The following VEGFD variants were observed in gnomAD, a reference collection of about 807,000 sequenced individuals.
The protein encoded by VEGFD is vascular endothelial growth factor D, also known as c-fos induced growth factor (vascular endothelial growth factor D).
VEGFD carries 26 observed loss-of-function variants against 28.0 expected under a neutral mutation model. That is an observed-to-expected ratio of 0.93 (90% CI 0.68 to 1.29). The LOEUF (loss-of-function observed/expected upper bound fraction) is 1.29, where lower values mean the gene tolerates loss of function less well. VEGFD is among the 50% of genes most tolerant of loss of function. The probability of loss-of-function intolerance (pLI) is 0.00; values close to 1 mark genes in which losing one functional copy is unlikely to be tolerated. For missense variants in VEGFD, 294 were observed against 273.4 expected (o/e 1.08, Z -0.53); for synonymous variants, 93 against 95.5 (o/e 0.97, Z 0.15).
Position 15,368,829 on chromosome X carries a change from G to C in VEGFD, c.91-5510C>G, listed in dbSNP as rs779745093. The stretch of plus-strand genomic sequence containing the variant: ...AATGAAGCAGGGTTACCAGATCTCT[G>C]CTTTTTATTACAGCGGCAGCTTTTT... On this transcript the variant is annotated intron_variant, in intron 1 of 6. Transcript: ENST00000297904. 1.3e-4 allele frequency among the ~76,000 whole-genome samples: 15 copies of C among 112,183 alleles called. No individual in the cohort carries two copies. In the East Asian group the frequency reaches 3.9e-3, roughly 29 times the overall value.
intron 6 of VEGFD, 72 bp from the exon 7 acceptor site, chrX:15,346,331 T>C: frequency 1.9e-6 from 2 of 1,068,802 alleles, no homozygotes; most frequent in Non-Finnish European, 2.5e-6. Context: ...TCTGCTCTGA[T>C]TTGATTAAGT....
At chrX:15,348,224 T>G (rs1167699039) in intron 5 of VEGFD, among the ~76,000 whole-genome samples, 3 of 111,888 alleles carry the variant, frequency 2.7e-5, no homozygotes, top group African/African-American at 9.8e-5. Flanking sequence ...CTGAGCATCA[T>G]GTCCACTCAG....
intron 1 of VEGFD, among the ~76,000 whole-genome samples, chrX:15,371,832 A>C (rs991672636): frequency 8.9e-6 from 1 of 112,465 alleles, no homozygotes; most frequent in African/African-American, 3.2e-5. Context: ...TTCAACGTTA[A>C]AAAGAAACAT....
At chrX:15,349,221 AGGTG>A (rs1922626633) in intron 5 of VEGFD, among the ~76,000 whole-genome samples, 1 of 112,437 alleles carries the variant, frequency 8.9e-6, no homozygotes. Flanking sequence ...AATGATCACT[AGGTG>A]GCAGCAGAAG....
Position 15,355,210 on chromosome X carries a change from G to A in VEGFD, c.581C>T (p.Thr194Ile), listed in dbSNP as rs771466661. The A allele has an allele frequency of 2.5e-6, 3 of 1,206,360 alleles. No homozygotes were observed. The highest frequency in any genetic ancestry group is 1.7e-5 in the African/African-American group (1 of 57,433). Reference protein sequence around the residue: ...ANHTGCKCLPTAPRHPYSIIR... With the variant: ...ANHTGCKCLPIAPRHPYSIIR... ...AATTGAGTATGGATGGCGGGGGGCT[G>A]TTGGCAAGCACTTACAACCTGTATG... Residue 194 changes from threonine (T) to isoleucine (I), a missense_variant, in exon 4 of 7, where the codon ACA becomes ATA. Physicochemically the swap from Thr to Ile is moderately conservative, Grantham distance 89. Transcript: ENST00000297904.
intron 5 of VEGFD, among the ~76,000 whole-genome samples, chrX:15,349,066 G>A (rs1922622297): frequency 8.9e-6 from 1 of 112,755 alleles, no homozygotes; most frequent in African/African-American, 3.2e-5. Flanking sequence ...GGTGCTGGAA[G>A]GCTAAATCTG....
At position 15,363,267 on chromosome X, in the gene VEGFD, G is replaced by C. The variant is rs1338904652; in HGVS notation, c.143C>G (p.Ser48Cys). 8.3e-7 allele frequency: 1 copy of C among 1,211,630 alleles called. No homozygotes were observed. The change falls in exon 2 of 7, where the codon TCT becomes TGT. Residue 48 changes from serine (S) to cysteine (C), a missense_variant. Transcript: ENST00000297904. ...AATTCGAAGTAGTTCCTCCAAACTA[G>C]AAGCAGCCCTGATCTGCTGTTCAGA... The part of the protein sequence containing the change: ...ERSEQQIRAA[S>C]SLEELLRITH...
chrX:15,355,245 T>G lies in VEGFD; in HGVS notation c.546A>C (p.Lys182Asn). The change falls in exon 4 of 7, where the codon AAA (lysine) becomes AAC (asparagine). Residue 182 changes from lysine (K) to asparagine (N), a missense_variant. Lys to Asn is a moderately conservative substitution (Grantham distance 94). Transcript: ENST00000297904. ...ACTTACAACCTGTATGATTGGCAAC[T>G]TTAACAGGCACTAATTCAGGTACTG... ...LTSVPELVPV[K>N]VANHTGCKCL... 8.3e-7 allele frequency: 1 copy of G among 1,205,328 alleles called. No individual in the cohort carries two copies. The highest frequency in any genetic ancestry group is 3.0e-5 in the East Asian group (1 of 33,519).
intron 1 of VEGFD, among the ~76,000 whole-genome samples, chrX:15,382,315 G>A (rs896322277): frequency 3.8e-5 from 1 of 26,596 alleles, no homozygotes; most frequent in African/African-American, 3.6e-4. Flanking sequence ...GTGAGACTCC[G>A]TCTCAAATAA....
intron 2 of VEGFD, 39 bp from the exon 3 acceptor site, chrX:15,358,232 GA>G (rs1922917229): frequency 1.8e-6 from 2 of 1,127,026 alleles, no homozygotes; most frequent in Non-Finnish European, 2.4e-6. Context: ...CTAGCAGGTG[GA>G]ATGGTCCTGG....
chrX:15,368,257 T>C (rs966739131), intron 1 of VEGFD, among the ~76,000 whole-genome samples: 9 of 111,960 alleles, frequency 8.0e-5, no homozygotes, highest in African/African-American at 2.6e-4. Flanking sequence ...CTTAGAAATA[T>C]TTTTAAACTA....
chrX:15,353,138 A>T lies in VEGFD; in HGVS notation c.672T>A (p.Ile224=). 8.5e-7 allele frequency: 1 copy of T among 1,173,672 alleles called. No homozygotes were observed. The highest frequency in any genetic ancestry group is 1.1e-6 in the Non-Finnish European group (1 of 870,962). ...ATTTGTTGCTATCCCATAGCATGTC[A>T]ATAGGACAGAGTTTCTTGGAATGGG... ...RCSHSKKLCP[I]DMLWDSNKCK... is the part of the protein sequence containing the mutation. The change falls in exon 5 of 7, where the codon ATT becomes ATA. Residue 224 remains isoleucine (I), a synonymous_variant. Coordinates refer to ENST00000297904, the MANE Select transcript of VEGFD (RefSeq NM_004469.5).
chrX:15,354,549 C>A (rs746377290), intron 4 of VEGFD, among the ~76,000 whole-genome samples: 1 of 110,612 alleles, frequency 9.0e-6, no homozygotes, highest in African/African-American at 3.3e-5. Flanking sequence ...CCTTTTTTTT[C>A]TTCAAATAAG....
intron 2 of VEGFD, among the ~76,000 whole-genome samples, chrX:15,360,999 T>C (rs1347171852): frequency 8.9e-6 from 1 of 112,541 alleles, no homozygotes; most frequent in African/African-American, 3.2e-5. Flanking sequence ...CCTCAGGAAA[T>C]TACCTTGAAA....
At position 15,353,134 on chromosome X, in the gene VEGFD, T is replaced by A. The variant is rs752539878; in HGVS notation, c.676A>T (p.Met226Leu). 1 of 1,179,320 alleles carries A rather than the reference T, an allele frequency of 8.5e-7. No homozygotes were observed. Among genetic ancestry groups the A allele is most frequent in the Non-Finnish European group, 1.1e-6 (1 of 873,478 alleles). ...SHSKKLCPID[M>L]LWDSNKCKCV... ...TTACATTTGTTGCTATCCCATAGCA[T>A]GTCAATAGGACAGAGTTTCTTGGAA... The change falls in exon 5 of 7, where the codon ATG (methionine) becomes TTG (leucine). Residue 226 changes from methionine (M) to leucine (L), a missense_variant. Coordinates refer to ENST00000297904, the MANE Select transcript of VEGFD (RefSeq NM_004469.5).
chrX:15,361,121 T>C (rs776962601), intron 2 of VEGFD, among the ~76,000 whole-genome samples: 7 of 112,553 alleles, frequency 6.2e-5, no homozygotes, highest in African/African-American at 2.3e-4. Flanking sequence ...AATTACGAGA[T>C]AAATTCATAG....
At chrX:15,365,236 G>A (rs1022816641) in intron 1 of VEGFD, among the ~76,000 whole-genome samples, 1 of 111,461 alleles carries the variant, frequency 9.0e-6, no homozygotes, top group Non-Finnish European at 1.9e-5. Flanking sequence ...AGGTTCAAGC[G>A]ATTCTCCTGC....
At chrX:15,371,561 C>T (rs929650333) in intron 1 of VEGFD, among the ~76,000 whole-genome samples, 1 of 111,921 alleles carries the variant, frequency 8.9e-6, no homozygotes, top group African/African-American at 3.2e-5. Context: ...TTCAAGCATT[C>T]ATATTTGAAT....
Position 15,347,438 on chromosome X carries a change from G to A in VEGFD, c.743-79C>T, listed in dbSNP as rs138953398. ...CACCAAAGTTGATTGTATCTTTTAT[G>A]TCATCCGTAAGTAACTTGGATTCAC... On this transcript the variant is annotated intron_variant, in intron 5 of 6. Transcript: ENST00000297904. The A allele has an allele frequency of 6.8e-4, 554 of 811,630 alleles. 1 individual carries two copies. In the East Asian group the frequency reaches 0.017, roughly 24 times the overall value. 66.9% of individuals were successfully genotyped at this position (811,630 alleles called of 1,213,427 possible).
Sources: allele counts gnomAD v4.1 joint callset (sites outside exome capture counted in the v4.1 genomes callset), GRCh38; gene constraint gnomAD v4.1.1; transcripts MANE v1.5; gene names NCBI Gene and HGNC (gene_info 2026-07-23, HGNC 2026-07-21).